ZSWIM6: variants seen among roughly 807,000 people sequenced by gnomAD.
ZSWIM6 encodes the protein zinc finger SWIM-type containing 6.
In ZSWIM6, 9 loss-of-function variants were observed where a neutral mutation model predicts 113.2. That is an observed-to-expected ratio of 0.08 (90% CI 0.05 to 0.14). The LOEUF is 0.14. ZSWIM6 is among the 10% of genes least tolerant of loss of function. ZSWIM6 has a pLI of 1.00. For missense variants in ZSWIM6, 1,162 were observed against 1,552.2 expected (o/e 0.75, Z 4.22); for synonymous variants, 611 against 606.5 (o/e 1.01, Z -0.11).
rs111330937 is a variant in ZSWIM6, at chr5:61,451,582, C to G, written c.677-21099C>G. Among the ~76,000 whole-genome samples, 21 of 152,178 alleles carry G rather than the reference C, an allele frequency of 1.4e-4. 1 individual carries two copies. Among genetic ancestry groups the G allele is most frequent in the African/African-American group, 5.1e-4 (21 of 41,524 alleles). On this transcript the variant is annotated intron_variant, in intron 1 of 13. Coordinates refer to ENST00000252744, the MANE Select transcript of ZSWIM6 (RefSeq NM_020928.2). Reference sequence around the variant, plus strand: ...TATCTTTCCCAGCATAGACAAACTTCTTGTTTTTGTGAAGGGAAAATACTT... The same window carrying G: ...TATCTTTCCCAGCATAGACAAACTTGTTGTTTTTGTGAAGGGAAAATACTT...
At chr5:61,530,337 G>A (rs1295353531) in intron 8 of ZSWIM6, 139 bp downstream of exon 8, 6 of 856,760 alleles carry the variant, frequency 7.0e-6, no homozygotes, top group Non-Finnish European at 1.0e-5. Context: ...GCAAGAAAAT[G>A]GGCACTGTCA....
At chr5:61,520,275 A>T (rs1239825200) in intron 4 of ZSWIM6, among the ~76,000 whole-genome samples, 1 of 152,226 alleles carries the variant, frequency 6.6e-6, no homozygotes, top group Non-Finnish European at 1.5e-5. Context: ...CTTTTCAAAG[A>T]AGTAGTGTTG....
At chr5:61,404,004 A>G (rs1262425002) in intron 1 of ZSWIM6, among the ~76,000 whole-genome samples, 1 of 150,686 alleles carries the variant, frequency 6.6e-6, no homozygotes, top group Non-Finnish European at 1.5e-5. Flanking sequence ...AGGTTTAAAA[A>G]AGTAATTTTT....
intron 4 of ZSWIM6, among the ~76,000 whole-genome samples, chr5:61,507,591 T>C (rs1748658564): frequency 6.6e-6 from 1 of 152,248 alleles, no homozygotes; most frequent in Non-Finnish European, 1.5e-5. Context: ...ACTGTTTCAA[T>C]CTACAATGAA....
chr5:61,458,472 A>C (rs990114615), intron 1 of ZSWIM6, among the ~76,000 whole-genome samples: 1 of 152,212 alleles, frequency 6.6e-6, no homozygotes, highest in African/African-American at 2.4e-5. Flanking sequence ...TTGGAGGGGA[A>C]CATCTGTTGC....
At chr5:61,372,843 G>A (rs1204856117) in intron 1 of ZSWIM6, among the ~76,000 whole-genome samples, 2 of 151,884 alleles carry the variant, frequency 1.3e-5, no homozygotes, top group African/African-American at 2.4e-5. Context: ...AAAATTAGCA[G>A]CGTCTTATCA....
intron 2 of ZSWIM6, among the ~76,000 whole-genome samples, chr5:61,475,749 C>T (rs555238772): frequency 1.3e-4 from 20 of 152,222 alleles, no homozygotes; most frequent in African/African-American, 4.8e-4. Flanking sequence ...GAAATCTGCT[C>T]CCTGGAGGGT....
chr5:61,484,248 G>C (rs944382007), intron 2 of ZSWIM6, among the ~76,000 whole-genome samples: 1 of 152,182 alleles, frequency 6.6e-6, no homozygotes, highest in African/African-American at 2.4e-5. Flanking sequence ...CATCCAAGTA[G>C]TTCTGGGGCA....
At chr5:61,513,070 A>G (rs988324175) in intron 4 of ZSWIM6, among the ~76,000 whole-genome samples, 2 of 152,110 alleles carry the variant, frequency 1.3e-5, no homozygotes, top group African/African-American at 4.8e-5. Context: ...ATCCACCATT[A>G]AAGTATCAAA....
chr5:61,375,340 A>T, intron 1 of ZSWIM6: 1 of 1,605,378 alleles, frequency 6.2e-7, no homozygotes, highest in East Asian at 2.2e-5. Context: ...GGAAAAACAC[A>T]GAGAGAAATT....
At chr5:61,436,256 C>T (rs548805128) in intron 1 of ZSWIM6, among the ~76,000 whole-genome samples, 1 of 151,722 alleles carries the variant, frequency 6.6e-6, no homozygotes, top group East Asian at 1.9e-4. Context: ...ATGTTGGTAG[C>T]AGCTTGAACA....
Position 61,464,158 on chromosome 5 carries a change from A to ATTTTTTTTTTTTTTTTT in ZSWIM6, c.677-8506_677-8490dup, listed in dbSNP as rs869288331. Among the ~76,000 whole-genome samples the ATTTTTTTTTTTTTTTTT allele has an allele frequency of 6.7e-4, 29 of 43,522 alleles. 2 individuals carry two copies. The highest frequency in any genetic ancestry group is 9.1e-4 in the Non-Finnish European group (22 of 24,282). 28.6% of individuals were successfully genotyped at this position (43,522 alleles called of 152,430 possible). A position where few individuals can be genotyped will look rare whatever the true frequency, so the allele number is the denominator to read the frequency against. On this transcript the variant is annotated intron_variant, in intron 1 of 13. Transcript: ENST00000252744. ...AGGTGCATGCCAACACACCCGGCTA[A>ATTTTTTTTTTTTTTTTT]TTTTTTTTTTTTTTTTTTTTTTTTT...
intron 4 of ZSWIM6, among the ~76,000 whole-genome samples, chr5:61,495,703 G>T (rs1375765715): frequency 6.6e-6 from 1 of 152,064 alleles, no homozygotes; most frequent in Non-Finnish European, 1.5e-5. Context: ...CAAGTATAAT[G>T]CATGGTTTAA....
intron 1 of ZSWIM6, chr5:61,375,337 C>T: frequency 6.2e-7 from 1 of 1,604,684 alleles, no homozygotes; most frequent in South Asian, 1.1e-5. Flanking sequence ...ACTGGAAAAA[C>T]ACAGAGAGAA....
chr5:61,539,970 A>G (rs1289255567), intron 12 of ZSWIM6, among the ~76,000 whole-genome samples: 1 of 151,986 alleles, frequency 6.6e-6, no homozygotes, highest in Non-Finnish European at 1.5e-5. Flanking sequence ...CTGTACATTT[A>G]GCAGCCTAAT....
At chr5:61,518,816 G>A (rs1408543480) in intron 4 of ZSWIM6, among the ~76,000 whole-genome samples, 1 of 151,934 alleles carries the variant, frequency 6.6e-6, no homozygotes, top group African/African-American at 2.4e-5. Flanking sequence ...GTCAATTTTG[G>A]CTTTTTTTGC....
At chr5:61,508,844 T>C (rs1748699295) in intron 4 of ZSWIM6, among the ~76,000 whole-genome samples, 1 of 152,066 alleles carries the variant, frequency 6.6e-6, no homozygotes, top group Non-Finnish European at 1.5e-5. Context: ...TATCAGAAAG[T>C]CCATGCTATC....
At chr5:61,335,661 C>T (rs1744376128) in intron 1 of ZSWIM6, among the ~76,000 whole-genome samples, 1 of 152,170 alleles carries the variant, frequency 6.6e-6, no homozygotes, top group African/African-American at 2.4e-5. Context: ...TGCAAAATTA[C>T]AAGTGTACAG....
At chr5:61,375,698 C>T in intron 1 of ZSWIM6, 1 of 1,547,640 alleles carries the variant, frequency 6.5e-7, no homozygotes, top group Non-Finnish European at 8.7e-7. Flanking sequence ...GAGTCCTTGT[C>T]AGAATCAGAG....
Sources: allele counts gnomAD v4.1 joint callset (sites outside exome capture counted in the v4.1 genomes callset), GRCh38; gene constraint gnomAD v4.1.1; transcripts MANE v1.5; gene names NCBI Gene and HGNC (gene_info 2026-07-23, HGNC 2026-07-21).